Variants in ZNF714 observed in about 807,000 individuals in gnomAD.
ZNF714 encodes the protein zinc finger protein 714.
A neutral mutation model predicts 46.2 loss-of-function variants in ZNF714; 32 were observed. That is an observed-to-expected ratio of 0.69 (90% CI 0.52 to 0.93). The LOEUF (loss-of-function observed/expected upper bound fraction) is 0.93. Among genes scored for constraint, ZNF714 ranks in the 40% least tolerant of loss-of-function variants. The pLI is 0.00. For missense variants in ZNF714, 635 were observed against 646.3 expected, an observed-to-expected ratio of 0.98 and a Z score of 0.19; for synonymous variants, 199 against 213.1, an observed-to-expected ratio of 0.93 and a Z score of 0.58.
chr19:21,119,626 CA>C lies in ZNF714; in HGVS notation c.*1299del, dbSNP rs1263327625. 6.6e-6 allele frequency: 1 copy of C among 151,992 alleles called. No individual in the cohort carries two copies. Among genetic ancestry groups the C allele is most frequent in the Non-Finnish European group, 1.5e-5 (1 of 68,002 alleles). The allele number at this position is 151,992 out of a possible 1,614,324, so 9.4% of individuals were successfully genotyped here. ...TAGTAAATTTGGAAAAACACTTTTT[CA>C]AAAACTACAGCTTAGAAAACAGAGT... On this transcript the variant is annotated 3_prime_UTR_variant, in exon 5 of 5. Transcript: ENST00000456283.
chr19:21,098,242 C>T lies in ZNF714; in HGVS notation c.-27C>T, dbSNP rs781352383. On this transcript the variant is annotated 5_prime_UTR_variant, in exon 3 of 5. Coordinates refer to ENST00000456283, the MANE Select transcript of ZNF714 (RefSeq NM_182515.4). ...ATTCTCTCTGGAGGAGTGGGAATGC[C>T]TGAACCCTGCTCAGCAGAATTTATA... 4.3e-6 allele frequency: 7 copies of T among 1,612,356 alleles called. No individual in the cohort carries two copies. Among genetic ancestry groups the T allele is most frequent in the Non-Finnish European group, 5.9e-6 (7 of 1,179,756 alleles).
intron 4 of ZNF714, among the ~76,000 whole-genome samples, chr19:21,111,737 T>C (rs1318438114): frequency 1.3e-5 from 2 of 152,218 alleles, no homozygotes; most frequent in South Asian, 2.1e-4. Context: ...TAGTTCTTAC[T>C]ATTTTGATGT....
intron 2 of ZNF714, among the ~76,000 whole-genome samples, chr19:21,084,721 T>G: frequency 6.8e-6 from 1 of 147,878 alleles, no homozygotes. Context: ...TTTTTTTTTT[T>G]TGAGACAGTT....
chr19:21,113,894 T>C (rs1045254430), intron 4 of ZNF714, among the ~76,000 whole-genome samples: 11 of 152,144 alleles, frequency 7.2e-5, no homozygotes, highest in African/African-American at 2.7e-4. Context: ...TCTGTAGATA[T>C]CTGTCAGGTC....
intron 4 of ZNF714, among the ~76,000 whole-genome samples, chr19:21,113,435 A>G (rs1969509239): frequency 6.6e-6 from 1 of 150,672 alleles, no homozygotes; most frequent in Non-Finnish European, 1.5e-5. Context: ...GCATGTTATG[A>G]TTTCAGTTCT....
chr19:21,098,263 T>C lies in ZNF714; in HGVS notation c.-6T>C. 6.2e-7 allele frequency: 1 copy of C among 1,612,868 alleles called. No homozygotes were observed. The highest frequency in any genetic ancestry group is 1.1e-5 in the South Asian group (1 of 90,674). ...ATGCCTGAACCCTGCTCAGCAGAATTTATATATGAATGTGATGTTAGAGAA... is the reference window on the plus strand; with the variant it reads ...ATGCCTGAACCCTGCTCAGCAGAATCTATATATGAATGTGATGTTAGAGAA... On this transcript the variant is annotated 5_prime_UTR_variant, in exon 3 of 5. Coordinates refer to ENST00000456283, the MANE Select transcript of ZNF714 (RefSeq NM_182515.4).
intron 1 of ZNF714, among the ~76,000 whole-genome samples, chr19:21,083,355 A>G (rs980773208): frequency 1.3e-5 from 2 of 152,028 alleles, no homozygotes; most frequent in Admixed American, 6.6e-5. Context: ...TAAAAGTAGG[A>G]ATCCAGGGAC....
At chr19:21,095,827 C>G (rs901075632) in intron 2 of ZNF714, among the ~76,000 whole-genome samples, 5 of 152,178 alleles carry the variant, frequency 3.3e-5, no homozygotes, top group Admixed American at 6.5e-5. Context: ...GTCACCCCCA[C>G]GACCTGATGT....
chr19:21,083,681 CTGTT>C (rs1386469264), intron 1 of ZNF714, among the ~76,000 whole-genome samples: 5 of 152,090 alleles, frequency 3.3e-5, no homozygotes, highest in Admixed American at 2.0e-4. Flanking sequence ...GGTTTGTTAC[CTGTT>C]TGTAACTTTC....
At chr19:21,114,273 A>G (rs1041344577) in intron 4 of ZNF714, among the ~76,000 whole-genome samples, 1 of 151,984 alleles carries the variant, frequency 6.6e-6, no homozygotes, top group Non-Finnish European at 1.5e-5. Context: ...CTCGTCTACT[A>G]AAAATACAAA....
rs1969742569 is a variant in ZNF714 at position 21,123,486 on chromosome 19, C to T, written c.*5154C>T. Among the ~76,000 whole-genome samples the T allele has an allele frequency of 6.6e-6, 1 of 152,036 alleles. No homozygotes were observed. Among genetic ancestry groups the T allele is most frequent in the Non-Finnish European group, 1.5e-5 (1 of 68,022 alleles). ...TCTCCCGCCTCAGCCTCCCGAGTAG[C>T]TGGGACTACAGGCGCCCGCTACCGC... On this transcript the variant is annotated 3_prime_UTR_variant, in exon 5 of 5. Coordinates refer to ENST00000456283, the MANE Select transcript of ZNF714 (RefSeq NM_182515.4).
At chr19:21,101,594 T>G (rs1283215267) in intron 4 of ZNF714, among the ~76,000 whole-genome samples, 1 of 152,146 alleles carries the variant, frequency 6.6e-6, no homozygotes, top group Non-Finnish European at 1.5e-5. Context: ...AGTTTCTACT[T>G]AAGCAAAACT....
chr19:21,116,874 G>A lies in ZNF714; in HGVS notation c.210G>A (p.Val70=), dbSNP rs1362877564. Residue 70 remains valine, a synonymous_variant, in exon 5 of 5, where the codon GTG becomes GTA. Transcript: ENST00000456283. ...EQDIKDSFQQ[V]ILRRHGKCEH... ...ACATAAAAGATTCTTTTCAACAAGT[G>A]ATACTGAGAAGACATGGCAAATGTG... is the stretch of plus-strand genomic sequence containing the variant. 7 of 1,613,468 alleles carry A rather than the reference G, an allele frequency of 4.3e-6. No homozygotes were observed. Among genetic ancestry groups the A allele is most frequent in the Non-Finnish European group, 5.9e-6 (7 of 1,179,764 alleles).
chr19:21,112,038 GT>G (rs1316202466), intron 4 of ZNF714, among the ~76,000 whole-genome samples: 7 of 151,720 alleles, frequency 4.6e-5, no homozygotes, highest in Non-Finnish European at 7.4e-5. Flanking sequence ...TGGCTTGAAG[GT>G]TTTTTTGTTT....
At chr19:21,102,536 GC>G (rs1847282689) in intron 4 of ZNF714, among the ~76,000 whole-genome samples, 1 of 152,048 alleles carries the variant, frequency 6.6e-6, no homozygotes, top group Admixed American at 6.6e-5. Flanking sequence ...TTGGATTACA[GC>G]AGTTTCATTT....
chr19:21,119,303 G>A lies in ZNF714; in HGVS notation c.*971G>A, dbSNP rs1969668635. 1 of 282,818 alleles carries A rather than the reference G, an allele frequency of 3.5e-6. No individual in the cohort carries two copies. The highest frequency in any genetic ancestry group is 2.3e-5 in the African/African-American group (1 of 42,784). The allele number at this position is 282,818 out of a possible 1,614,324, so 17.5% of individuals were successfully genotyped here. A position where few individuals can be genotyped will look rare whatever the true frequency, so the allele number is the denominator to read the frequency against. On this transcript the variant is annotated 3_prime_UTR_variant, in exon 5 of 5. Transcript: ENST00000456283. The stretch of plus-strand genomic sequence containing the variant: ...TGTAATCCCAGCTACTCAAGAGGCT[G>A]AGGCAGGAGAATCACTTGAACTTGG...
rs1969722666 is a variant in ZNF714 at position 21,122,631 on chromosome 19, T to G, written c.*4299T>G. ...AAAAAAAAAATAAATTCTGCTTCTT[T>G]TATTTTCTACTTCTCTTCAGATTTG... is the stretch of plus-strand genomic sequence containing the variant. On this transcript the variant is annotated 3_prime_UTR_variant, in exon 5 of 5. Transcript: ENST00000456283. 1 of 152,096 alleles carries G rather than the reference T, an allele frequency of 6.6e-6. No individual in the cohort carries two copies. Among genetic ancestry groups the G allele is most frequent in the South Asian group, 2.1e-4 (1 of 4,822 alleles). 9.4% of individuals were successfully genotyped at this position (152,096 alleles called of 1,614,324 possible). A position where few individuals can be genotyped will look rare whatever the true frequency, so the allele number is the denominator to read the frequency against.
In ZNF714 at chr19:21,123,169, A is replaced by AAG. The variant is rs1291115754; in HGVS notation, c.*4839_*4840dup. 1 of 151,492 alleles carries AAG rather than the reference A, an allele frequency of 6.6e-6. No individual in the cohort carries two copies. The highest frequency in any genetic ancestry group is 1.5e-5 in the Non-Finnish European group (1 of 67,922). 9.4% of individuals were successfully genotyped at this position (151,492 alleles called of 1,614,324 possible). On this transcript the variant is annotated 3_prime_UTR_variant, in exon 5 of 5. Coordinates refer to ENST00000456283, the MANE Select transcript of ZNF714 (RefSeq NM_182515.4). ...TCTGTCTCAAAAAAAAAAAAAAAAA[A>AAG]AGATTAAAGGCGCACACTGTCCACA...
chr19:21,102,963 C>T (rs1482284538), intron 4 of ZNF714, among the ~76,000 whole-genome samples: 1 of 152,088 alleles, frequency 6.6e-6, no homozygotes, highest in Non-Finnish European at 1.5e-5. Flanking sequence ...ATCAGCCATA[C>T]ATCTATCACA....
Sources: allele counts gnomAD v4.1 joint callset (sites outside exome capture counted in the v4.1 genomes callset), GRCh38; gene constraint gnomAD v4.1.1; transcripts MANE v1.5; gene names NCBI Gene and HGNC (gene_info 2026-07-23, HGNC 2026-07-21).